Variants in COPS2 observed in about 807,000 individuals in gnomAD.
COPS2 encodes the protein COP9 signalosome subunit 2.
Under a neutral mutation model 66.1 loss-of-function variants are expected in COPS2, and 10 were observed. That is an observed-to-expected ratio of 0.15 (90% CI 0.09 to 0.26). The LOEUF is 0.26. Ranked by LOEUF, COPS2 falls within the 10% of genes least tolerant of loss-of-function variation. The probability of loss-of-function intolerance (pLI) is 1.00; values close to 1 mark genes in which losing one functional copy is unlikely to be tolerated. For synonymous variants in COPS2, 179 were observed against 171.3 expected (o/e 1.04, Z -0.35); for missense variants, 215 against 513.3 (o/e 0.42, Z 5.62).
Position 49,128,037 on chromosome 15 carries a change from C to T in COPS2, c.1245G>A (p.Lys415=). 1 of 1,613,994 alleles carries T rather than the reference C, an allele frequency of 6.2e-7. No individual in the cohort carries two copies. The highest frequency in any genetic ancestry group is 1.3e-5 in the African/African-American group (1 of 75,042). ...GTGCAGTATATCGTGCACCACCCCT[C>T]TTCTGATGATCCAGTTCAAGGAGTT... ...VNQLLELDHQ[K]RGGARYTALD... Residue 415 remains lysine, a synonymous_variant, in exon 13 of 13, where the codon AAG becomes AAA. Coordinates refer to ENST00000388901, the MANE Select transcript of COPS2 (RefSeq NM_004236.4).
intron 1 of COPS2, among the ~76,000 whole-genome samples, chr15:49,151,136 C>CA (rs1455581348): frequency 1.1e-4 from 16 of 152,036 alleles, no homozygotes; most frequent in Admixed American, 3.3e-4. Context: ...CGTGGTGGCT[C>CA]ACGTCTGTAA....
At chr15:49,135,512 G>A (rs1447440132) in intron 6 of COPS2, among the ~76,000 whole-genome samples, 1 of 152,146 alleles carries the variant, frequency 6.6e-6, no homozygotes, top group Non-Finnish European at 1.5e-5. Context: ...AAGTGCCTAG[G>A]AGAATGAAAT....
In COPS2 at chr15:49,127,391, T is replaced by A. The variant is rs971674918; in HGVS notation, c.*559A>T. Reference sequence around the variant, plus strand: ...TTTATTTTGCTGCTTGAAACCTAAGTGACAGTATGCCACTATAATTATGGG... The same window carrying A: ...TTTATTTTGCTGCTTGAAACCTAAGAGACAGTATGCCACTATAATTATGGG... On this transcript the variant is annotated 3_prime_UTR_variant, in exon 13 of 13. Coordinates refer to ENST00000388901, the MANE Select transcript of COPS2 (RefSeq NM_004236.4). 3 of 152,658 alleles carry A rather than the reference T, an allele frequency of 2.0e-5. No individual in the cohort carries two copies. Among genetic ancestry groups the A allele is most frequent in the Non-Finnish European group, 4.4e-5 (3 of 68,036 alleles). 9.5% of individuals were successfully genotyped at this position (152,658 alleles called of 1,614,324 possible). A position where few individuals can be genotyped will look rare whatever the true frequency, so the allele number is the denominator to read the frequency against.
At chr15:49,148,448 G>C (rs2084336974) in intron 1 of COPS2, among the ~76,000 whole-genome samples, 1 of 152,176 alleles carries the variant, frequency 6.6e-6, no homozygotes, top group African/African-American at 2.4e-5. Context: ...CAGCAATGAG[G>C]AAGGGCAGCT....
rs534703353 is a variant in COPS2 at position 49,147,785 on chromosome 15, T to A, written c.55-2707A>T. On this transcript the variant is annotated intron_variant, in intron 1 of 12. Coordinates refer to ENST00000388901, the MANE Select transcript of COPS2 (RefSeq NM_004236.4). ...GAGAAAAGATTTGATTCAGCCCTCT[T>A]CGTTTTGTGACTACATTCTTTTGGT... 2.6e-5 allele frequency among the ~76,000 whole-genome samples: 4 copies of A among 152,162 alleles called. No homozygotes were observed. In the East Asian group the frequency reaches 7.7e-4, roughly 29 times the overall value.
intron 9 of COPS2, among the ~76,000 whole-genome samples, chr15:49,133,023 C>CT (rs1425446498): frequency 4.3e-5 from 6 of 140,724 alleles, no homozygotes; most frequent in African/African-American, 1.6e-4. Context: ...GAGTCTTGCT[C>CT]TATCGCCCAG....
intron 1 of COPS2, among the ~76,000 whole-genome samples, chr15:49,147,477 G>C (rs2084328993): frequency 6.6e-6 from 1 of 152,136 alleles, no homozygotes; most frequent in Non-Finnish European, 1.5e-5. Context: ...AGTAGGACTA[G>C]TATTTTGGAG....
At chr15:49,131,098 TCTTA>T (rs2084205138) in intron 9 of COPS2, among the ~76,000 whole-genome samples, 1 of 152,136 alleles carries the variant, frequency 6.6e-6, no homozygotes, top group East Asian at 1.9e-4. Context: ...CACCTCAATA[TCTTA>T]CTTCTCTTAA....
chr15:49,149,371 G>C (rs603868), intron 1 of COPS2, among the ~76,000 whole-genome samples: 3 of 152,060 alleles, frequency 2.0e-5, no homozygotes, highest in Non-Finnish European at 4.4e-5. Flanking sequence ...ATACTGCTGG[G>C]AAATGTGTTC....
Position 49,131,643 on chromosome 15 carries a change from C to T in COPS2, c.948-827G>A, listed in dbSNP as rs565435143. Among the ~76,000 whole-genome samples the T allele has an allele frequency of 9.9e-5, 15 of 152,058 alleles. No homozygotes were observed. In the East Asian group the frequency reaches 2.9e-3, roughly 29 times the overall value. Reference sequence around the variant, plus strand: ...CAAGTGCTTTGACAGGAATTATTTTCCTCTAGTCTCCTGGCAACTGACTAG... The same window carrying T: ...CAAGTGCTTTGACAGGAATTATTTTTCTCTAGTCTCCTGGCAACTGACTAG... On this transcript the variant is annotated intron_variant, in intron 9 of 12. Coordinates refer to ENST00000388901, the MANE Select transcript of COPS2 (RefSeq NM_004236.4).
intron 7 of COPS2, 91 bp downstream of exon 7, chr15:49,134,249 G>GGT (rs1053279135): frequency 7.0e-7 from 1 of 1,423,074 alleles, no homozygotes; most frequent in Non-Finnish European, 9.6e-7. Context: ...CTGGCCCCAA[G>GGT]GTATACACTG....
chr15:49,150,998 T>C (rs1172707884), intron 1 of COPS2, among the ~76,000 whole-genome samples: 1 of 152,136 alleles, frequency 6.6e-6, no homozygotes, highest in Non-Finnish European at 1.5e-5. Flanking sequence ...TGAGCTTGAC[T>C]AGGGGAATAT....
At chr15:49,132,764 TACTC>T (rs1307725828) in intron 9 of COPS2, among the ~76,000 whole-genome samples, 1 of 152,042 alleles carries the variant, frequency 6.6e-6, no homozygotes, top group Admixed American at 6.5e-5. Context: ...AAGTTTCTCT[TACTC>T]ACTAATTCCT....
At chr15:49,149,159 A>G (rs967602750) in intron 1 of COPS2, among the ~76,000 whole-genome samples, 2 of 152,212 alleles carry the variant, frequency 1.3e-5, no homozygotes, top group Non-Finnish European at 2.9e-5. Flanking sequence ...AAGTTCAATA[A>G]TAGTTCCAAC....
At position 49,125,468 on chromosome 15, in the gene COPS2, A is replaced by G. The variant is rs1454239761; in HGVS notation, c.*2482T>C. ...TTACAATATGATGTAAACCACTGGT[A>G]TGGTTTTCACAAAAGTGGAAAAGAT... is the stretch of plus-strand genomic sequence containing the variant. On this transcript the variant is annotated 3_prime_UTR_variant, in exon 13 of 13. Coordinates refer to ENST00000388901, the MANE Select transcript of COPS2 (RefSeq NM_004236.4). The G allele has an allele frequency of 5.3e-5, 8 of 152,154 alleles. No homozygotes were observed. The highest frequency in any genetic ancestry group is 5.2e-4 in the Admixed American group (8 of 15,284). 9.4% of individuals were successfully genotyped at this position (152,154 alleles called of 1,614,324 possible). A position where few individuals can be genotyped will look rare whatever the true frequency, so the allele number is the denominator to read the frequency against.
intron 1 of COPS2, among the ~76,000 whole-genome samples, chr15:49,148,428 T>C (rs77368154): frequency 0.015 from 2,224 of 152,182 alleles, 47 homozygotes; most frequent in African/African-American, 0.051. Context: ...AAAGTATGAA[T>C]AGGAATCGCC....
rs76560253 is a variant in COPS2 at position 49,126,550 on chromosome 15, T to C, written c.*1400A>G. 0.019 allele frequency: 2,889 copies of C among 152,462 alleles called. 47 individuals carry two copies. The highest frequency in any genetic ancestry group is 0.031 in the Middle Eastern group (9 of 294). 9.4% of individuals were successfully genotyped at this position (152,462 alleles called of 1,614,324 possible). A position where few individuals can be genotyped will look rare whatever the true frequency, so the allele number is the denominator to read the frequency against. On this transcript the variant is annotated 3_prime_UTR_variant, in exon 13 of 13. Transcript: ENST00000388901. Reference sequence around the variant, plus strand: ...ACAAGCAATAGAAAAACCAAAGAAATTATGTTAATCCTAGTTCTTCCTTTC... The same window carrying C: ...ACAAGCAATAGAAAAACCAAAGAAACTATGTTAATCCTAGTTCTTCCTTTC...
rs571147553 is a variant in COPS2 at position 49,123,672 on chromosome 15, T to G, written c.*4278A>C. 6.6e-6 allele frequency: 1 copy of G among 152,308 alleles called. No homozygotes were observed. Among genetic ancestry groups the G allele is most frequent in the East Asian group, 1.9e-4 (1 of 5,182 alleles). 9.4% of individuals were successfully genotyped at this position (152,308 alleles called of 1,614,324 possible). On this transcript the variant is annotated 3_prime_UTR_variant, in exon 13 of 13. Transcript: ENST00000388901. Reference sequence around the variant, plus strand: ...CCCCGAATAGTAAGTACTTAAGAAATAATTTTTTCTTTTTTCCTGTCACAG... The same window carrying G: ...CCCCGAATAGTAAGTACTTAAGAAAGAATTTTTTCTTTTTTCCTGTCACAG...
rs566741003 is a variant in COPS2, at chr15:49,142,895, T to C, written c.246+1332A>G. 3.3e-5 allele frequency among the ~76,000 whole-genome samples: 5 copies of C among 151,678 alleles called. No homozygotes were observed. The South Asian group carries it at 1.0e-3, about 32-fold the overall frequency. The stretch of plus-strand genomic sequence containing the variant: ...TATAACAACGAATAACACAAAGTCC[T>C]GCTCTCATGGAGCTTACAATTTACT... On this transcript the variant is annotated intron_variant, in intron 3 of 12. Transcript: ENST00000388901.
Sources: gnomAD v4.1 joint callset for allele counts (sites outside exome capture counted in the v4.1 genomes callset) on GRCh38, gnomAD v4.1.1 for gene constraint, MANE v1.5 for transcripts, NCBI Gene and HGNC (gene_info 2026-07-23, HGNC 2026-07-21) for gene names.